CORO2A: variants seen among roughly 807,000 people sequenced by gnomAD.
CORO2A encodes coronin-2A.
A neutral mutation model predicts 62.4 loss-of-function variants in CORO2A; 47 were observed. That is an observed-to-expected ratio of 0.75 (90% CI 0.60 to 0.96). The LOEUF is 0.96. CORO2A is among the 40% of genes least tolerant of loss of function. The pLI, the probability that CORO2A is intolerant of heterozygous loss-of-function variation, is 0.00. For missense variants in CORO2A, 610 were observed against 684.1 expected, an observed-to-expected ratio of 0.89 and a Z score of 1.21; for synonymous variants, 273 against 268.9, an observed-to-expected ratio of 1.02 and a Z score of -0.15.
intron 4 of CORO2A, among the ~76,000 whole-genome samples, 156 bp from the exon 5 acceptor site, chr9:98,133,373 G>C (rs184409839): frequency 6.6e-6 from 1 of 152,338 alleles, no homozygotes; most frequent in South Asian, 2.1e-4. Flanking sequence ...ATGATGTGCA[G>C]GCTGAAGCTG....
intron 1 of CORO2A, among the ~76,000 whole-genome samples, chr9:98,191,056 C>G (rs1828300052): frequency 6.6e-6 from 1 of 152,228 alleles, no homozygotes; most frequent in Admixed American, 6.5e-5. Context: ...GGCCTCCTGC[C>G]CTCTTTTGGC....
chr9:98,157,774 C>T (rs1827827075), intron 1 of CORO2A, 114 bp from the exon 2 acceptor site: 1 of 939,984 alleles, frequency 1.1e-6, no homozygotes, highest in East Asian at 2.5e-5. Flanking sequence ...GTGGTCAGTT[C>T]AACGTGGACG....
At chr9:98,188,681 T>A (rs1828268003) in intron 1 of CORO2A, among the ~76,000 whole-genome samples, 1 of 152,120 alleles carries the variant, frequency 6.6e-6, no homozygotes, top group African/African-American at 2.4e-5. Flanking sequence ...TGAGAATCAC[T>A]TGAACCCAGG....
chr9:98,127,947 A>C (rs1291621349), intron 10 of CORO2A, among the ~76,000 whole-genome samples: 1 of 151,980 alleles, frequency 6.6e-6, no homozygotes, highest in African/African-American at 2.4e-5. Context: ...TCCGTGGGGC[A>C]AAGTCCCTTG....
chr9:98,139,279 T>TA (rs35490358), intron 2 of CORO2A, among the ~76,000 whole-genome samples: 4,920 of 152,088 alleles, frequency 0.032, 133 homozygotes, highest in Middle Eastern at 0.061. Context: ...CTATACACCT[T>TA]AAAACGGTGA....
chr9:98,161,043 C>A (rs1041628749), intron 1 of CORO2A, among the ~76,000 whole-genome samples: 5 of 152,166 alleles, frequency 3.3e-5, no homozygotes, highest in African/African-American at 1.2e-4. Context: ...ACATACAGTG[C>A]AACAGAGAAA....
intron 2 of CORO2A, 22 bp downstream of exon 2, chr9:98,157,438 T>C: frequency 6.2e-7 from 1 of 1,613,018 alleles, no homozygotes; most frequent in South Asian, 1.1e-5. Context: ...AGAGAGCTGT[T>C]TGGGCCTGGG....
intron 1 of CORO2A, among the ~76,000 whole-genome samples, chr9:98,159,976 A>G (rs1416481059): frequency 1.3e-5 from 2 of 152,206 alleles, no homozygotes; most frequent in Non-Finnish European, 2.9e-5. Flanking sequence ...TCAATTCCTC[A>G]GAACGAGATT....
chr9:98,175,509 C>T (rs1794534950), intron 1 of CORO2A, among the ~76,000 whole-genome samples: 1 of 152,200 alleles, frequency 6.6e-6, no homozygotes, highest in South Asian at 2.1e-4. Context: ...GCTCTGCCCC[C>T]TTTTGCTGTG....
intron 1 of CORO2A, among the ~76,000 whole-genome samples, chr9:98,181,138 C>A (rs1828170635): frequency 6.6e-6 from 1 of 152,162 alleles, no homozygotes; most frequent in Non-Finnish European, 1.5e-5. Flanking sequence ...AAGGAGGCCC[C>A]AGTGGGGTGA....
intron 1 of CORO2A, among the ~76,000 whole-genome samples, chr9:98,185,412 T>C (rs1221620722): frequency 6.6e-6 from 1 of 152,234 alleles, no homozygotes; most frequent in Non-Finnish European, 1.5e-5. Flanking sequence ...CACTGAGTCA[T>C]AAAGAAGGGT....
chr9:98,168,582 C>T (rs1466313137), intron 1 of CORO2A, among the ~76,000 whole-genome samples: 2 of 152,204 alleles, frequency 1.3e-5, no homozygotes, highest in Admixed American at 1.3e-4. Flanking sequence ...CACACTCTCT[C>T]GCAGGGGTTC....
At chr9:98,133,337 C>A in intron 4 of CORO2A, 120 bp from the exon 5 acceptor site, 1 of 984,020 alleles carries the variant, frequency 1.0e-6, no homozygotes, top group Non-Finnish European at 1.5e-6. Flanking sequence ...CAGCTGGCAG[C>A]CTGGCCAAGA....
chr9:98,128,361 G>T, intron 9 of CORO2A, 101 bp from the exon 10 acceptor site: 1 of 976,684 alleles, frequency 1.0e-6, no homozygotes. Flanking sequence ...AACCCCTGCT[G>T]AATTGAGGAA....
At chr9:98,168,853 A>C (rs1347576816) in intron 1 of CORO2A, among the ~76,000 whole-genome samples, 1 of 152,204 alleles carries the variant, frequency 6.6e-6, no homozygotes, top group African/African-American at 2.4e-5. Flanking sequence ...GCAAACCATG[A>C]TGATGGGGAA....
intron 2 of CORO2A, among the ~76,000 whole-genome samples, chr9:98,155,119 T>C (rs1827784772): frequency 3.3e-5 from 5 of 152,198 alleles, no homozygotes; most frequent in Admixed American, 2.6e-4. Flanking sequence ...TGATGTGTAG[T>C]GGTATTGCAC....
In CORO2A at chr9:98,121,509, AGATGTAAAAAT is replaced by A. The variant is rs1827245118; in HGVS notation, c.*3254_*3264del. 1 of 152,244 alleles carries A rather than the reference AGATGTAAAAAT, an allele frequency of 6.6e-6. No individual in the cohort carries two copies. The highest frequency in any genetic ancestry group is 2.4e-5 in the African/African-American group (1 of 41,464). The allele number at this position is 152,244 out of a possible 1,614,324, so 9.4% of individuals were successfully genotyped here. A position where few individuals can be genotyped will look rare whatever the true frequency, so the allele number is the denominator to read the frequency against. On this transcript the variant is annotated 3_prime_UTR_variant, in exon 12 of 12. Transcript: ENST00000375077. ...TGAAATAATTTAAATAATTTATTCT[AGATGTAAAAAT>A]AATAATACAAAAAAGTTTGTTCAAA...
rs149848288 is a variant in CORO2A, at chr9:98,121,941, C to T, written c.*2833G>A. The T allele has an allele frequency of 3.3e-5, 5 of 152,166 alleles. No homozygotes were observed. The highest frequency in any genetic ancestry group is 4.4e-5 in the Non-Finnish European group (3 of 68,070). The allele number at this position is 152,166 out of a possible 1,614,324, so 9.4% of individuals were successfully genotyped here. On this transcript the variant is annotated 3_prime_UTR_variant, in exon 12 of 12. Coordinates refer to ENST00000375077, the MANE Select transcript of CORO2A (RefSeq NM_052820.4). ...AGGCAATCTTGGCTAGTGCATCAGA[C>T]GGGAGTGAGCCCCAGTGACTGAGTA...
chr9:98,155,721 A>G (rs919169945), intron 2 of CORO2A, among the ~76,000 whole-genome samples: 1 of 152,214 alleles, frequency 6.6e-6, no homozygotes, highest in African/African-American at 2.4e-5. Context: ...TACATAAATC[A>G]GTATTGACAA....
Sources: gnomAD v4.1 joint callset for allele counts (sites outside exome capture counted in the v4.1 genomes callset) on GRCh38, gnomAD v4.1.1 for gene constraint, MANE v1.5 for transcripts, NCBI Gene and HGNC (gene_info 2026-07-23, HGNC 2026-07-21) for gene names.